The following TMEM178A variants were observed in gnomAD, a reference collection of about 807,000 sequenced individuals.
The protein encoded by TMEM178A is transmembrane protein 178A.
TMEM178A carries 12 observed loss-of-function variants against 29.1 expected under a neutral mutation model. That is an observed-to-expected ratio of 0.41 (90% confidence interval 0.26 to 0.67). TMEM178A has a LOEUF of 0.67. TMEM178A is among the 30% of genes least tolerant of loss of function. The pLI is 0.29. For synonymous variants in TMEM178A, 210 were observed against 187.2 expected, an observed-to-expected ratio of 1.12 and a Z score of -0.99; for missense variants, 366 against 419.1, an observed-to-expected ratio of 0.87 and a Z score of 1.11.
the TMEM178A span, among the ~76,000 whole-genome samples, chr2:39,727,605 T>G: frequency 1.3e-5 from 2 of 152,306 alleles, no homozygotes; most frequent in African/African-American, 4.8e-5. Flanking sequence ...CTAGGGTACA[T>G]GTGCACAATG....
downstream of TMEM178A, among the ~76,000 whole-genome samples, chr2:39,719,590 T>C (rs1207164477): frequency 6.6e-6 from 1 of 152,194 alleles, no homozygotes; most frequent in Non-Finnish European, 1.5e-5. Context: ...TGGCCCTGAG[T>C]CCTTGGGCTT....
At chr2:39,665,708 G>A (rs1670112224), upstream of TMEM178A, 2 of 326,064 alleles carry the variant, frequency 6.1e-6, no homozygotes, top group East Asian at 4.4e-5. Flanking sequence ...GGCTGGGGAA[G>A]AGGAGGGGGG....
intron 1 of TMEM178A, among the ~76,000 whole-genome samples, chr2:39,703,858 A>G (rs1335084768): frequency 2.0e-5 from 3 of 152,220 alleles, no homozygotes; most frequent in African/African-American, 7.2e-5. Context: ...TCCGTATGGG[A>G]AAACAATTAG....
chr2:39,700,614 C>A (rs1249279858), intron 1 of TMEM178A, among the ~76,000 whole-genome samples: 1 of 151,788 alleles, frequency 6.6e-6, no homozygotes, highest in East Asian at 1.9e-4. Context: ...GTTGTTTTAT[C>A]TACAATGCCA....
chr2:39,731,021 C>A, the TMEM178A span, among the ~76,000 whole-genome samples: 742 of 152,246 alleles, frequency 4.9e-3, 4 homozygotes, highest in African/African-American at 0.017. Context: ...TGCCGTAAGG[C>A]CTTATGGTGA....
At chr2:39,722,799 C>T (rs1215240309), downstream of TMEM178A, among the ~76,000 whole-genome samples, 1 of 152,162 alleles carries the variant, frequency 6.6e-6, no homozygotes, top group African/African-American at 2.4e-5. Context: ...GACCATTGTC[C>T]CAGTGAAGTG....
downstream of TMEM178A, among the ~76,000 whole-genome samples, chr2:39,722,293 T>G (rs115090794): frequency 0.029 from 4,420 of 152,238 alleles, 89 homozygotes; most frequent in South Asian, 0.04. Context: ...GGGAACTGCT[T>G]CTTGTATCAA....
chr2:39,730,512 T>G, the TMEM178A span, among the ~76,000 whole-genome samples: 1,248 of 152,278 alleles, frequency 8.2e-3, 18 homozygotes, highest in African/African-American at 0.029. Context: ...AAATCCAGAC[T>G]GTCTGGCACC....
chr2:39,697,299 C>T (rs180830745), intron 1 of TMEM178A, among the ~76,000 whole-genome samples: 5 of 152,244 alleles, frequency 3.3e-5, no homozygotes, highest in African/African-American at 1.2e-4. Context: ...CTGTAGGGAG[C>T]CAAACCTTAA....
chr2:39,703,996 G>C, intron 1 of TMEM178A, 85 bp from the exon 2 acceptor site: 2 of 1,067,782 alleles, frequency 1.9e-6, no homozygotes, highest in Non-Finnish European at 2.8e-6. Context: ...TTCAACCCAG[G>C]TTAGGTTACG....
chr2:39,698,354 A>G (rs1393878831), intron 1 of TMEM178A, among the ~76,000 whole-genome samples: 1 of 152,228 alleles, frequency 6.6e-6, no homozygotes, highest in Non-Finnish European at 1.5e-5. Context: ...TTTAGCTCAC[A>G]GGGTTGTTGA....
intron 1 of TMEM178A, among the ~76,000 whole-genome samples, chr2:39,699,460 TTTTG>T (rs1025153176): frequency 9.2e-5 from 14 of 151,936 alleles, no homozygotes; most frequent in Admixed American, 1.3e-4. Flanking sequence ...ATCTTTCTGG[TTTTG>T]TTTTTGTTTT....
chr2:39,721,845 G>T (rs1463166706), downstream of TMEM178A, among the ~76,000 whole-genome samples: 1 of 151,894 alleles, frequency 6.6e-6, no homozygotes, highest in African/African-American at 2.4e-5. Flanking sequence ...TTTAAAATTA[G>T]CCAAGTGTGG....
In TMEM178A at chr2:39,670,486, G is replaced by T. The variant is rs531629093; in HGVS notation, c.400+4112G>T. Among the ~76,000 whole-genome samples, 114 of 152,318 alleles carry T rather than the reference G, an allele frequency of 7.5e-4. 1 individual carries two copies. The Middle Eastern group carries it at 0.01, about 14-fold the overall frequency. On this transcript the variant is annotated intron_variant, in intron 1 of 3. Transcript: ENST00000281961. The stretch of plus-strand genomic sequence containing the variant: ...ACTCTTAGTAGGTCATAGGACCAGG[G>T]TAGGAGAATACTTTGGGATGGCTGA...
intron 1 of TMEM178A, among the ~76,000 whole-genome samples, chr2:39,698,301 C>T (rs867791761): frequency 2.6e-5 from 4 of 152,288 alleles, no homozygotes; most frequent in Middle Eastern, 3.4e-3. Flanking sequence ...CTCTGAGCTT[C>T]GGATTCTTTT....
intron 3 of TMEM178A, among the ~76,000 whole-genome samples, chr2:39,710,488 T>C (rs986476142): frequency 1.3e-5 from 2 of 152,104 alleles, no homozygotes; most frequent in Non-Finnish European, 2.9e-5. Context: ...GGGGAGGGGA[T>C]GGAAGAGGGG....
At chr2:39,668,433 A>G (rs1395497079) in intron 1 of TMEM178A, among the ~76,000 whole-genome samples, 2 of 152,222 alleles carry the variant, frequency 1.3e-5, no homozygotes, top group Non-Finnish European at 2.9e-5. Context: ...TAGGTTGTGA[A>G]CAGAAGATAT....
chr2:39,720,411 T>C (rs1425674741), downstream of TMEM178A, among the ~76,000 whole-genome samples: 16 of 152,158 alleles, frequency 1.1e-4, 1 homozygote, highest in Admixed American at 1.0e-3. Flanking sequence ...TCACACTGCC[T>C]AGGCAACCAC....
chr2:39,676,244 T>C (rs1670618767), intron 1 of TMEM178A, among the ~76,000 whole-genome samples: 1 of 152,246 alleles, frequency 6.6e-6, no homozygotes, highest in Admixed American at 6.5e-5. Flanking sequence ...TGGCTTAGCC[T>C]ACAAGGAAAA....
Sources: allele counts gnomAD v4.1 joint callset (sites outside exome capture counted in the v4.1 genomes callset), GRCh38; gene constraint gnomAD v4.1.1; transcripts MANE v1.5; gene names NCBI Gene and HGNC (gene_info 2026-07-23, HGNC 2026-07-21).